The following PLPBP variants were observed in gnomAD, a reference collection of about 807,000 sequenced individuals.
The protein encoded by PLPBP is pyridoxal phosphate binding protein.
PLPBP carries 21 observed loss-of-function variants against 31.2 expected under a neutral mutation model. The ratio of observed to expected loss-of-function variants is 0.67; its 90% CI spans 0.48 to 0.97. The LOEUF (loss-of-function observed/expected upper bound fraction) is 0.97. Ranked by LOEUF, PLPBP falls within the 50% of genes least tolerant of loss-of-function variation. The pLI is 0.00. For synonymous variants in PLPBP, 124 were observed against 135.6 expected (o/e 0.91, Z 0.59); for missense variants, 308 against 354.4 (o/e 0.87, Z 1.05).
chr8:37,767,678 C>T (rs1803669709), intron 4 of PLPBP, among the ~76,000 whole-genome samples: 1 of 152,012 alleles, frequency 6.6e-6, no homozygotes, highest in South Asian at 2.1e-4. Context: ...GATATATTTC[C>T]CTTTTTCTTG....
chr8:37,775,245 T>C (rs1369937249), intron 5 of PLPBP, 94 bp from the exon 6 acceptor site: 11 of 1,431,404 alleles, frequency 7.7e-6, no homozygotes, highest in Non-Finnish European at 1.1e-5. Context: ...TTGTTGGGGG[T>C]CACCTCTTCT....
At chr8:37,776,922 A>G (rs927564278) in intron 7 of PLPBP, among the ~76,000 whole-genome samples, 6 of 152,170 alleles carry the variant, frequency 3.9e-5, no homozygotes, top group African/African-American at 1.4e-4. Flanking sequence ...GCCTGCCACA[A>G]TGCCCAGCTA....
chr8:37,766,628 G>A (rs1413816492), intron 4 of PLPBP: 3 of 1,072,632 alleles, frequency 2.8e-6, no homozygotes, highest in African/African-American at 3.3e-5. Context: ...ATAAAGAATT[G>A]TAGCCCATAA....
At chr8:37,772,146 T>C (rs1266693660) in intron 4 of PLPBP, among the ~76,000 whole-genome samples, 4 of 152,240 alleles carry the variant, frequency 2.6e-5, no homozygotes, top group East Asian at 1.9e-4. Context: ...GGAATAGTTA[T>C]GTAAACTGTG....
At chr8:37,762,556 T>G, upstream of PLPBP, 1 of 1,479,664 alleles carries the variant, frequency 6.8e-7, no homozygotes, top group Non-Finnish European at 8.9e-7. Context: ...GACGACTCAA[T>G]GATGAGCAAT....
Position 37,772,897 on chromosome 8 carries a change from A to C in PLPBP, c.454+8A>C. ...ACACCAGCGGAGAAGAGAGTAAGTA[A>C]CCAGACCTGAATTGTAGATTTTTCT... On this transcript the variant is annotated splice_region_variant and intron_variant, in intron 5 of 7. Transcript: ENST00000328195. 1 of 1,614,112 alleles carries C rather than the reference A, an allele frequency of 6.2e-7. No homozygotes were observed. The highest frequency in any genetic ancestry group is 8.5e-7 in the Non-Finnish European group (1 of 1,179,970).
intron 4 of PLPBP, among the ~76,000 whole-genome samples, chr8:37,768,007 A>T (rs1226684019): frequency 5.3e-5 from 8 of 151,674 alleles, no homozygotes; most frequent in Non-Finnish European, 1.2e-4. Context: ...AGGTTTCATC[A>T]TATTGGCCAG....
chr8:37,772,473 T>G (rs1432545283), intron 4 of PLPBP, among the ~76,000 whole-genome samples: 1 of 152,244 alleles, frequency 6.6e-6, no homozygotes, highest in Non-Finnish European at 1.5e-5. Flanking sequence ...TTACTAGGAA[T>G]CTGTCCGTTA....
At position 37,766,390 on chromosome 8, in the gene PLPBP, C is replaced by G. The variant is rs772640521; in HGVS notation, c.319+35C>G. The G allele has an allele frequency of 2.0e-5, 31 of 1,573,512 alleles. 1 individual carries two copies. The East Asian group carries it at 3.9e-4, about 20-fold the overall frequency. On this transcript the variant is annotated intron_variant, in intron 4 of 7. Coordinates refer to ENST00000328195, the MANE Select transcript of PLPBP (RefSeq NM_007198.4). ...AATTAAATATGAAAACAAAATTGTTCTGTCATTGTATTGCTTCTACTACCC... is the reference window on the plus strand; with the variant it reads ...AATTAAATATGAAAACAAAATTGTTGTGTCATTGTATTGCTTCTACTACCC...
chr8:37,767,875 G>A (rs1431372941), intron 4 of PLPBP, among the ~76,000 whole-genome samples: 2 of 140,352 alleles, frequency 1.4e-5, no homozygotes, highest in Admixed American at 7.7e-5. Flanking sequence ...GCGTGATCCC[G>A]GCTCACTGCA....
chr8:37,772,115 C>T (rs544892624), intron 4 of PLPBP, among the ~76,000 whole-genome samples: 1 of 151,322 alleles, frequency 6.6e-6, no homozygotes, highest in Non-Finnish European at 1.5e-5. Context: ...AAATAAGAAA[C>T]AATCTAATAT....
upstream of PLPBP, chr8:37,762,623 T>G: frequency 6.5e-7 from 1 of 1,546,376 alleles, no homozygotes; most frequent in South Asian, 1.2e-5. Flanking sequence ...AGCCACGGGC[T>G]GCCGGGGGCC....
chr8:37,771,861 G>A (rs187654431), intron 4 of PLPBP, among the ~76,000 whole-genome samples: 1 of 152,274 alleles, frequency 6.6e-6, no homozygotes, highest in Non-Finnish European at 1.5e-5. Context: ...TTGGGAGGCT[G>A]AGGCAGAAGA....
chr8:37,770,604 G>C (rs1433393992), intron 4 of PLPBP, among the ~76,000 whole-genome samples: 2 of 152,096 alleles, frequency 1.3e-5, no homozygotes. Context: ...TTTGAGACAG[G>C]GTCTCACTCT....
chr8:37,766,230 C>A, intron 3 of PLPBP, 50 bp from the exon 4 acceptor site: 1 of 1,450,298 alleles, frequency 6.9e-7, no homozygotes, highest in Non-Finnish European at 9.5e-7. Context: ...TTTGAGCCAG[C>A]AAGGCCTCTA....
intron 1 of PLPBP, among the ~76,000 whole-genome samples, chr8:37,763,462 A>T (rs1290057547): frequency 6.6e-6 from 1 of 152,226 alleles, no homozygotes; most frequent in Non-Finnish European, 1.5e-5. Context: ...TCGAGCATTT[A>T]TGCTGGCTGA....
intron 4 of PLPBP, chr8:37,766,699 T>C: frequency 1.1e-6 from 1 of 879,322 alleles, no homozygotes; most frequent in Non-Finnish European, 1.4e-6. Flanking sequence ...AAGGCTACAG[T>C]AAATAAAATA....
In PLPBP at chr8:37,766,434, A is replaced by G. The variant is rs576141362; in HGVS notation, c.319+79A>G. 7.5e-5 allele frequency: 110 copies of G among 1,468,492 alleles called. No individual in the cohort carries two copies. The African/African-American group carries it at 1.5e-3, about 20-fold the overall frequency. 91.0% of individuals were successfully genotyped at this position (1,468,492 alleles called of 1,614,324 possible). On this transcript the variant is annotated intron_variant, in intron 4 of 7. Coordinates refer to ENST00000328195, the MANE Select transcript of PLPBP (RefSeq NM_007198.4). ...ACTACCCTTTGTGGAAGAGAGAGCA[A>G]CTTTTAGAATAGCCCCAATTCACCA...
intron 4 of PLPBP, chr8:37,766,771 C>A: frequency 1.8e-6 from 1 of 554,720 alleles, no homozygotes. Flanking sequence ...AGGCCAGGCG[C>A]GGTGGCTGAC....
Sources: gnomAD v4.1 joint callset for allele counts (sites outside exome capture counted in the v4.1 genomes callset) on GRCh38, gnomAD v4.1.1 for gene constraint, MANE v1.5 for transcripts, NCBI Gene and HGNC (gene_info 2026-07-23, HGNC 2026-07-21) for gene names.